PARD3B: variants seen among roughly 807,000 people sequenced by gnomAD.
The protein encoded by PARD3B is partitioning defective 3 homolog B.
Under a neutral mutation model 130.2 loss-of-function variants are expected in PARD3B, and 103 were observed. The observed-to-expected ratio is 0.79, with a 90% CI of 0.67 to 0.93. The LOEUF (loss-of-function observed/expected upper bound fraction) is 0.93, where lower values mean the gene tolerates loss of function less well. PARD3B is among the 40% of genes least tolerant of loss of function. The pLI is 0.00. For synonymous variants in PARD3B, 583 were observed against 553.2 expected (o/e 1.05, Z -0.76); for missense variants, 1,609 against 1,499.2 (o/e 1.07, Z -1.21).
At chr2:205,376,099 C>A (rs1343601227) in intron 18 of PARD3B, among the ~76,000 whole-genome samples, 2 of 152,102 alleles carry the variant, frequency 1.3e-5, no homozygotes, top group African/African-American at 4.8e-5. Flanking sequence ...GGGCACTGTT[C>A]CAAGGACTTT....
At chr2:204,885,933 C>T (rs921698125) in intron 2 of PARD3B, among the ~76,000 whole-genome samples, 5 of 152,150 alleles carry the variant, frequency 3.3e-5, no homozygotes, top group Admixed American at 2.6e-4. Flanking sequence ...CTTCTCAGCA[C>T]AATGGTCACC....
At chr2:204,899,801 C>T (rs2046792199) in intron 2 of PARD3B, among the ~76,000 whole-genome samples, 1 of 152,076 alleles carries the variant, frequency 6.6e-6, no homozygotes, top group Non-Finnish European at 1.5e-5. Context: ...ACAGGGTCTG[C>T]TGTTGATGAA....
intron 22 of PARD3B, among the ~76,000 whole-genome samples, chr2:205,598,029 C>G (rs2054633845): frequency 6.6e-6 from 1 of 152,180 alleles, no homozygotes; most frequent in African/African-American, 2.4e-5. Flanking sequence ...ACGTGGCCCA[C>G]AGACCCTTTA....
chr2:204,776,138 T>A (rs189370875), intron 2 of PARD3B, among the ~76,000 whole-genome samples: 1 of 152,212 alleles, frequency 6.6e-6, no homozygotes, highest in East Asian at 1.9e-4. Flanking sequence ...TGACCTTTTC[T>A]TTAAGGAATA....
chr2:205,074,546 C>G (rs1273307497), intron 4 of PARD3B, among the ~76,000 whole-genome samples: 1 of 152,160 alleles, frequency 6.6e-6, no homozygotes, highest in Admixed American at 6.5e-5. Context: ...CTTAGTTGCT[C>G]TGCCCTCTAT....
intron 11 of PARD3B, among the ~76,000 whole-genome samples, chr2:205,170,168 G>A (rs1173809105): frequency 4.6e-5 from 7 of 152,114 alleles, no homozygotes; most frequent in African/African-American, 1.7e-4. Context: ...GACCTCAGGG[G>A]ATCCGCCCAC....
chr2:205,499,774 A>G (rs1484833436), intron 20 of PARD3B, 122 bp from the exon 21 acceptor site: 2 of 1,154,458 alleles, frequency 1.7e-6, no homozygotes. Context: ...TTCCTGGCAT[A>G]TTTGAATTAC....
chr2:204,652,671 C>T (rs549149237), intron 1 of PARD3B, among the ~76,000 whole-genome samples: 5 of 152,272 alleles, frequency 3.3e-5, no homozygotes, highest in African/African-American at 1.2e-4. Flanking sequence ...TCCACTAATA[C>T]CAATTTTCTA....
chr2:205,501,160 A>G (rs1314392985), intron 21 of PARD3B, among the ~76,000 whole-genome samples: 1 of 152,132 alleles, frequency 6.6e-6, no homozygotes, highest in Non-Finnish European at 1.5e-5. Context: ...TTCAGGATCC[A>G]CCACTGTTGG....
chr2:204,591,049 A>G (rs181969381), intron 1 of PARD3B, among the ~76,000 whole-genome samples: 1 of 152,344 alleles, frequency 6.6e-6, no homozygotes, highest in Admixed American at 6.5e-5. Flanking sequence ...TAATAAGCAC[A>G]GGTTGATTGC....
chr2:205,234,086 A>G (rs1332308507), intron 15 of PARD3B, among the ~76,000 whole-genome samples: 9 of 152,238 alleles, frequency 5.9e-5, no homozygotes, highest in Non-Finnish European at 1.2e-4. Context: ...GGTATGTTCA[A>G]GATCAACCAT....
chr2:204,905,607 G>C (rs1409498135), intron 2 of PARD3B, among the ~76,000 whole-genome samples: 1 of 151,812 alleles, frequency 6.6e-6, no homozygotes, highest in Non-Finnish European at 1.5e-5. Flanking sequence ...TCCCTCTTGA[G>C]TTTTTCCCTC....
rs1340458531 is a variant in PARD3B, at chr2:204,678,555, G to C, written c.121-7626G>C. Among the ~76,000 whole-genome samples the C allele has an allele frequency of 1.3e-5, 2 of 152,126 alleles. No individual in the cohort carries two copies. The highest frequency in any genetic ancestry group is 2.9e-5 in the Non-Finnish European group (2 of 68,032). On this transcript the variant is annotated intron_variant, in intron 1 of 22. Coordinates refer to ENST00000406610, the MANE Select transcript of PARD3B (RefSeq NM_001302769.2). The surrounding 1 kb of genome is among the most constrained non-coding windows in gnomAD (Gnocchi z 4.2). ...TGCGGGAAGAAAGTAGTCTTTCCTT[G>C]AAGCCTGGCTGACTCCAGCCGGGTC...
At chr2:204,807,752 ATCT>A (rs2042825538) in intron 2 of PARD3B, among the ~76,000 whole-genome samples, 1 of 152,138 alleles carries the variant, frequency 6.6e-6, no homozygotes, top group Non-Finnish European at 1.5e-5. Flanking sequence ...TAAACTTCAC[ATCT>A]TCTCTCTCAT....
At chr2:204,835,794 C>G (rs1193125724) in intron 2 of PARD3B, among the ~76,000 whole-genome samples, 2 of 152,172 alleles carry the variant, frequency 1.3e-5, no homozygotes, top group Non-Finnish European at 2.9e-5. Context: ...TTGTTCAAGA[C>G]TTCATTATAA....
intron 1 of PARD3B, among the ~76,000 whole-genome samples, chr2:204,662,589 C>T (rs752286418): frequency 2.6e-5 from 4 of 152,148 alleles, no homozygotes; most frequent in South Asian, 2.1e-4. Flanking sequence ...TGTGTACTTC[C>T]TATTTTGTCA....
intron 1 of PARD3B, among the ~76,000 whole-genome samples, chr2:204,550,412 C>CTGTG (rs3051346): frequency 0.27 from 39,055 of 144,098 alleles, 5,604 homozygotes; most frequent in East Asian, 0.35. Flanking sequence ...GGAGGGCTGA[C>CTGTG]TGTGTGTGTG....
intron 6 of PARD3B, among the ~76,000 whole-genome samples, chr2:205,114,782 A>T (rs1403361602): frequency 6.7e-6 from 1 of 149,422 alleles, no homozygotes; most frequent in African/African-American, 2.5e-5. Flanking sequence ...ATAACATCTG[A>T]TGCCAAGCTC....
rs566999305 is a variant in PARD3B, at chr2:204,806,694, G to T, written c.222+120412G>T. Among the ~76,000 whole-genome samples the T allele has an allele frequency of 3.9e-5, 6 of 152,228 alleles. 1 individual carries two copies. In the South Asian group the frequency reaches 1.2e-3, roughly 32 times the overall value. On this transcript the variant is annotated intron_variant, in intron 2 of 22. Transcript: ENST00000406610. ...CACAACAATGGAAATACTCAACAAA[G>T]TGAAGAGAGAACCCACAAAATGGTA...
Sources: gnomAD v4.1 joint callset for allele counts (sites outside exome capture counted in the v4.1 genomes callset) on GRCh38, gnomAD v4.1.1 for gene constraint, Gnocchi (gnomAD v3.1) non-coding constraint, MANE v1.5 for transcripts, NCBI Gene and HGNC (gene_info 2026-07-23, HGNC 2026-07-21) for gene names.